The following UPF3A variants were observed in gnomAD, a reference collection of about 807,000 sequenced individuals.
The protein encoded by UPF3A is UPF3A regulator of nonsense mediated mRNA decay.
Under a neutral mutation model 53.5 loss-of-function variants are expected in UPF3A, and 42 were observed. The observed-to-expected ratio is 0.78, with a 90% CI of 0.61 to 1.01. The LOEUF is 1.01. Ranked by LOEUF, UPF3A falls within the 50% of genes least tolerant of loss-of-function variation. The pLI is 0.00. For missense variants in UPF3A, 575 were observed against 598.0 expected (o/e 0.96, Z 0.40); for synonymous variants, 237 against 225.3 (o/e 1.05, Z -0.47).
At chr13:114,281,901 G>T (rs935431957) in intron 1 of UPF3A, 55 bp downstream of exon 1, 1 of 932,276 alleles carries the variant, frequency 1.1e-6, no homozygotes, top group Non-Finnish European at 1.6e-6. Context: ...GCCCTGAGTG[G>T]AGGGAGGGGA....
At chr13:114,287,284 G>C (rs1489560997) in intron 5 of UPF3A, 1 of 152,402 alleles carries the variant, frequency 6.6e-6, no homozygotes, top group Non-Finnish European at 1.5e-5. Context: ...CAAAGCCCTG[G>C]TTCTTCACCT....
intron 7 of UPF3A, among the ~76,000 whole-genome samples, chr13:114,297,030 A>T (rs1162602470): frequency 1.3e-5 from 2 of 152,196 alleles, no homozygotes; most frequent in Non-Finnish European, 2.9e-5. Flanking sequence ...CACAGCTGAC[A>T]TGGGGCCCAC....
intron 5 of UPF3A, among the ~76,000 whole-genome samples, chr13:114,288,492 C>CA (rs2084951553): frequency 6.6e-6 from 1 of 152,206 alleles, no homozygotes; most frequent in South Asian, 2.1e-4. Flanking sequence ...ACTGCAGGCG[C>CA]AGAGTGCAGG....
chr13:114,286,254 T>C, intron 3 of UPF3A, 48 bp from the exon 4 acceptor site: 1 of 1,605,342 alleles, frequency 6.2e-7, no homozygotes, highest in African/African-American at 1.3e-5. Context: ...CCGAAATGAA[T>C]GTAGTAGAAT....
intron 7 of UPF3A, among the ~76,000 whole-genome samples, chr13:114,294,033 C>A (rs1271540233): frequency 1.3e-5 from 2 of 152,056 alleles, no homozygotes; most frequent in African/African-American, 2.4e-5. Flanking sequence ...ATCTTCCTGC[C>A]TCACCCTCCC....
Position 114,291,166 on chromosome 13 carries a change from A to G in UPF3A, c.632-323A>G, listed in dbSNP as rs1267355617. Among the ~76,000 whole-genome samples, 5 of 152,366 alleles carry G rather than the reference A, an allele frequency of 3.3e-5. No individual in the cohort carries two copies. The East Asian group carries it at 7.7e-4, about 23-fold the overall frequency. On this transcript the variant is annotated intron_variant, in intron 5 of 9. Transcript: ENST00000375299. Reference sequence around the variant, plus strand: ...ACTGTTGCTTGGAGAACGGAAAACGAAAAAGTTCTCAGAATATGCGATGTA... The same window carrying G: ...ACTGTTGCTTGGAGAACGGAAAACGGAAAAGTTCTCAGAATATGCGATGTA...
chr13:114,299,432 C>T (rs986480046), intron 8 of UPF3A, among the ~76,000 whole-genome samples: 18 of 152,130 alleles, frequency 1.2e-4, no homozygotes, highest in Non-Finnish European at 1.9e-4. Context: ...TTGGGAACCC[C>T]CTCTTTTAGG....
At chr13:114,302,994 G>A (rs1208819371) in intron 9 of UPF3A, among the ~76,000 whole-genome samples, 1 of 152,200 alleles carries the variant, frequency 6.6e-6, no homozygotes, top group East Asian at 1.9e-4. Flanking sequence ...CAGCTACTCA[G>A]GAGGCTGAGG....
chr13:114,298,099 C>T (rs1358642072), intron 7 of UPF3A, among the ~76,000 whole-genome samples: 5 of 151,748 alleles, frequency 3.3e-5, no homozygotes, highest in South Asian at 4.2e-4. Context: ...GGGCTGGGCA[C>T]GGTGGCTCAC....
At chr13:114,284,051 G>A in intron 3 of UPF3A, 1 of 985,352 alleles carries the variant, frequency 1.0e-6, no homozygotes, top group African/African-American at 1.7e-5. Context: ...AACTTACTGA[G>A]TTTCCCTTTT....
chr13:114,283,198 G>A (rs74116874), intron 3 of UPF3A: 10 of 310,832 alleles, frequency 3.2e-5, no homozygotes, highest in Non-Finnish European at 4.8e-5. Context: ...AAAAAAAATT[G>A]TGTAGAGACG....
At chr13:114,299,298 G>A (rs1487328609) in intron 8 of UPF3A, among the ~76,000 whole-genome samples, 2 of 152,136 alleles carry the variant, frequency 1.3e-5, no homozygotes, top group Admixed American at 1.3e-4. Context: ...TTGCATGTCA[G>A]GTCTTCAGGA....
chr13:114,295,029 A>C (rs543462185), intron 7 of UPF3A, among the ~76,000 whole-genome samples: 136 of 142,552 alleles, frequency 9.5e-4, no homozygotes, highest in Non-Finnish European at 9.3e-4. Flanking sequence ...GGAGAATGGC[A>C]TGAACCCGGG....
intron 5 of UPF3A, among the ~76,000 whole-genome samples, chr13:114,289,522 CAAAAA>C (rs144534172): frequency 3.9e-5 from 4 of 103,542 alleles, no homozygotes; most frequent in African/African-American, 1.5e-4. Flanking sequence ...GACTCCATCT[CAAAAA>C]AAAAAAAAAA....
At position 114,298,908 on chromosome 13, in the gene UPF3A, T is replaced by C. The variant is rs747818618; in HGVS notation, c.915T>C (p.Ile305=). The change falls in exon 8 of 10, where the codon ATT becomes ATC. Residue 305 remains isoleucine, a synonymous_variant. Coordinates refer to ENST00000375299, the MANE Select transcript of UPF3A (RefSeq NM_023011.4). ...AACCAAAAGAAAGAGGAGAGGAGAT[T>C]GATACTGGAGGTGGCAAGCAGGAAT... ...TEKPKERGEE[I]DTGGGKQESC... 1.2e-6 allele frequency: 2 copies of C among 1,605,238 alleles called. No individual in the cohort carries two copies. The highest frequency in any genetic ancestry group is 1.7e-6 in the Non-Finnish European group (2 of 1,176,250).
rs756631602 is a variant in UPF3A at position 114,304,839 on chromosome 13, A to C, written c.1353A>C (p.Arg451=). Residue 451 remains arginine, a synonymous_variant, in exon 10 of 10, where the codon CGA becomes CGC. Coordinates refer to ENST00000375299, the MANE Select transcript of UPF3A (RefSeq NM_023011.4). Reference sequence around the variant, plus strand: ...ATCCAGGAGCTCGCTTCCGAGCGCGAGAGTGTGGCGGAAACAGGAGGATCT... The same window carrying C: ...ATCCAGGAGCTCGCTTCCGAGCGCGCGAGTGTGGCGGAAACAGGAGGATCT... ...LYDPGARFRA[R]ECGGNRRICK... is the part of the protein sequence containing the mutation. The C allele has an allele frequency of 1.9e-6, 3 of 1,613,870 alleles. No homozygotes were observed. Among genetic ancestry groups the C allele is most frequent in the African/African-American group, 1.3e-5 (1 of 75,028 alleles).
chr13:114,282,212 C>G (rs1260325410), intron 2 of UPF3A, 85 bp downstream of exon 2: 9 of 1,145,292 alleles, frequency 7.9e-6, no homozygotes, highest in Non-Finnish European at 1.1e-5. Flanking sequence ...CGTTCCTTAC[C>G]CTGATTTCTC....
At chr13:114,284,939 C>T (rs1264464128) in intron 3 of UPF3A, 2 of 152,288 alleles carry the variant, frequency 1.3e-5, no homozygotes, top group South Asian at 2.1e-4. Flanking sequence ...AGGCGTGAGC[C>T]GCTGCCCTGC....
In UPF3A at chr13:114,304,914, G is replaced by C; in HGVS notation, c.1428G>C (p.Glu476Asp). The change falls in exon 10 of 10, where the codon GAG becomes GAC. Residue 476 changes from glutamate (E) to aspartate (D), a missense_variant. Physicochemically the swap from Glu to Asp is conservative, Grantham distance 45 (BLOSUM62 2). This residue lies in a region of UPF3A where 323 missense variants were observed against 415.2 expected (regional missense o/e 0.78). Coordinates refer to ENST00000375299, the MANE Select transcript of UPF3A (RefSeq NM_023011.4). ...GTGPEKREEA[E>D] ...GTCCTGAGAAGAGGGAAGAGGCAGA[G>C]TGAGTCACTGCACGCACCTGGCCTC... 1 of 1,612,750 alleles carries C rather than the reference G, an allele frequency of 6.2e-7. No individual in the cohort carries two copies. The highest frequency in any genetic ancestry group is 8.5e-7 in the Non-Finnish European group (1 of 1,179,370).
Sources: allele counts gnomAD v4.1 joint callset (sites outside exome capture counted in the v4.1 genomes callset), GRCh38; gene constraint gnomAD v4.1.1; regional missense constraint gnomAD v4.1.1; transcripts MANE v1.5; gene names NCBI Gene and HGNC (gene_info 2026-07-23, HGNC 2026-07-21).